The following EML5 variants were observed in gnomAD, a reference collection of about 807,000 sequenced individuals.
The protein encoded by EML5 is EMAP like 5.
A neutral mutation model predicts 250.0 loss-of-function variants in EML5; 120 were observed. That is an observed-to-expected ratio of 0.48 (90% confidence interval 0.41 to 0.56). The LOEUF (loss-of-function observed/expected upper bound fraction) is 0.56. EML5 is among the 20% of genes least tolerant of loss of function. The pLI is 0.00. For missense variants in EML5, 2,006 were observed against 2,437.6 expected (o/e 0.82, Z 3.73); for synonymous variants, 771 against 806.5 (o/e 0.96, Z 0.75).
chr14:88,771,690 T>C (rs903004408), intron 1 of EML5, among the ~76,000 whole-genome samples: 3 of 152,224 alleles, frequency 2.0e-5, no homozygotes, highest in African/African-American at 4.8e-5. Context: ...TTCCAGGTCA[T>C]GTATGACATT....
intron 34 of EML5, 194 bp downstream of exon 34, chr14:88,627,452 G>T (rs1266227930): frequency 3.7e-6 from 2 of 539,010 alleles, no homozygotes; most frequent in Non-Finnish European, 6.4e-6. Flanking sequence ...TAATTTATCT[G>T]TTTTGTGAGG....
chr14:88,675,138 G>C (rs1396706016), intron 21 of EML5, among the ~76,000 whole-genome samples: 1 of 152,236 alleles, frequency 6.6e-6, no homozygotes, highest in Admixed American at 6.5e-5. Flanking sequence ...CCATTCTGGG[G>C]TCTGAAGGAT....
intron 10 of EML5, among the ~76,000 whole-genome samples, chr14:88,710,627 T>C (rs1278610220): frequency 1.3e-5 from 2 of 152,186 alleles, no homozygotes; most frequent in Non-Finnish European, 2.9e-5. Flanking sequence ...TATTAATCCA[T>C]TAAAAATGCA....
intron 23 of EML5, among the ~76,000 whole-genome samples, 173 bp downstream of exon 23, chr14:88,664,320 A>G (rs1418068618): frequency 1.3e-5 from 2 of 151,736 alleles, no homozygotes; most frequent in African/African-American, 2.4e-5. Flanking sequence ...AAAAGTCTCA[A>G]CTCTATAGTA....
intron 3 of EML5, 64 bp downstream of exon 3, chr14:88,746,120 TC>T: frequency 7.7e-7 from 1 of 1,291,184 alleles, no homozygotes. Flanking sequence ...GAATAAAATC[TC>T]CTGAACTCTC....
At chr14:88,791,226 A>G (rs2140902494) in intron 1 of EML5, among the ~76,000 whole-genome samples, 1 of 152,324 alleles carries the variant, frequency 6.6e-6, no homozygotes, top group African/African-American at 2.4e-5. Flanking sequence ...CTTCTTGCCT[A>G]CAAGACTTCA....
chr14:88,778,735 C>T (rs544730777), intron 1 of EML5, among the ~76,000 whole-genome samples: 6 of 152,288 alleles, frequency 3.9e-5, no homozygotes, highest in East Asian at 1.9e-4. Context: ...GCCAAGAATG[C>T]GCCACTGCAC....
intron 6 of EML5, among the ~76,000 whole-genome samples, chr14:88,738,133 A>C (rs114436908): frequency 6.6e-6 from 1 of 152,314 alleles, no homozygotes; most frequent in African/African-American, 2.4e-5. Flanking sequence ...TTTAAAGCAC[A>C]ATAATGTTTA....
intron 42 of EML5, 79 bp downstream of exon 42, chr14:88,616,647 A>C: frequency 3.0e-6 from 4 of 1,339,518 alleles, no homozygotes; most frequent in Non-Finnish European, 4.0e-6. Context: ...AAACATTTTA[A>C]ATATATGGGG....
At chr14:88,656,430 A>C (rs1023676072) in intron 27 of EML5, among the ~76,000 whole-genome samples, 1 of 152,144 alleles carries the variant, frequency 6.6e-6, no homozygotes, top group Non-Finnish European at 1.5e-5. Context: ...GAACATATGG[A>C]CACAGGGAGG....
chr14:88,655,281 T>C (rs916736243), intron 27 of EML5, among the ~76,000 whole-genome samples: 4 of 152,114 alleles, frequency 2.6e-5, no homozygotes, highest in African/African-American at 9.7e-5. Flanking sequence ...AAAACAGATA[T>C]ATAGACCAAT....
At chr14:88,617,013 G>A in intron 41 of EML5, 134 bp from the exon 42 acceptor site, 1 of 712,438 alleles carries the variant, frequency 1.4e-6, no homozygotes, top group Non-Finnish European at 2.2e-6. Flanking sequence ...ATTATGGTAA[G>A]TTGTTTGGAG....
chr14:88,770,077 AAG>A (rs2094372880), intron 1 of EML5, among the ~76,000 whole-genome samples: 1 of 152,120 alleles, frequency 6.6e-6, no homozygotes, highest in South Asian at 2.1e-4. Context: ...GAGGAGAGGA[AAG>A]AGCGCTTGTG....
intron 4 of EML5, 44 bp from the exon 5 acceptor site, chr14:88,740,616 AAAAT>A (rs1487539900): frequency 6.9e-7 from 1 of 1,457,410 alleles, no homozygotes; most frequent in Admixed American, 2.2e-5. Context: ...GAATTCTTAT[AAAAT>A]AAAGTAAAAC....
At chr14:88,710,618 A>C (rs1436339690) in intron 10 of EML5, among the ~76,000 whole-genome samples, 1 of 152,224 alleles carries the variant, frequency 6.6e-6, no homozygotes, top group East Asian at 1.9e-4. Flanking sequence ...AAATACTTAT[A>C]TTAATCCATT....
chr14:88,754,660 T>C lies in EML5; in HGVS notation c.209A>G (p.His70Arg). Residue 70 changes from histidine (H) to arginine (R), a missense_variant, in exon 2 of 44, where the codon CAT becomes CGT. Around this residue, in one of 7 missense-constraint regions of EML5, gnomAD observed 162 missense variants for 212.2 expected, o/e 0.76. Transcript: ENST00000554922. ...HSDDIISLAL[H>R]PERVLVATGQ... ...TGTTGCTACCAACACTCGTTCAGGA[T>C]GCAATGCAAGGCTGTAAAATAAGGA... 1 of 1,609,140 alleles carries C rather than the reference T, an allele frequency of 6.2e-7. No individual in the cohort carries two copies. Among genetic ancestry groups the C allele is most frequent in the Non-Finnish European group, 8.5e-7 (1 of 1,177,836 alleles).
chr14:88,743,487 G>A (rs1193718313), intron 4 of EML5, among the ~76,000 whole-genome samples: 1 of 152,050 alleles, frequency 6.6e-6, no homozygotes, highest in Admixed American at 6.6e-5. Flanking sequence ...CCATGTGTTA[G>A]GCACTATGAC....
chr14:88,657,227 G>T, intron 27 of EML5, 149 bp downstream of exon 27: 1 of 718,128 alleles, frequency 1.4e-6, no homozygotes, highest in Non-Finnish European at 2.2e-6. Context: ...GGTATTTAAA[G>T]ACAGACATAC....
In EML5 at chr14:88,766,863, C is replaced by T. The variant is rs760915644; in HGVS notation, c.198-12192G>A. Among the ~76,000 whole-genome samples the T allele has an allele frequency of 1.3e-4, 20 of 152,020 alleles. No individual in the cohort carries two copies. The Middle Eastern group carries it at 0.014, about 103-fold the overall frequency. ...CTTTCCCTTTATTTCTCAGACTGGCCGACACTTAGGGAAAATAGAAAAGGA... is the reference window on the plus strand; with the variant it reads ...CTTTCCCTTTATTTCTCAGACTGGCTGACACTTAGGGAAAATAGAAAAGGA... On this transcript the variant is annotated intron_variant, in intron 1 of 43. Coordinates refer to ENST00000554922, the MANE Select transcript of EML5 (RefSeq NM_183387.3).
Sources: gnomAD v4.1 joint callset for allele counts (sites outside exome capture counted in the v4.1 genomes callset) on GRCh38, gnomAD v4.1.1 for gene constraint, gnomAD v4.1.1 regional missense constraint, MANE v1.5 for transcripts, NCBI Gene and HGNC (gene_info 2026-07-23, HGNC 2026-07-21) for gene names.